TNR: variants seen among roughly 807,000 people sequenced by gnomAD.
TNR encodes tenascin R.
TNR carries 45 observed loss-of-function variants against 150.4 expected under a neutral mutation model. The observed-to-expected ratio is 0.30, with a 90% CI of 0.24 to 0.38. The LOEUF is 0.38. TNR is among the 10% of genes least tolerant of loss of function. TNR has a pLI of 1.00. For synonymous variants in TNR, 687 were observed against 678.4 expected, an observed-to-expected ratio of 1.01 and a Z score of -0.20; for missense variants, 1,544 against 1,759.1, an observed-to-expected ratio of 0.88 and a Z score of 2.19.
intron 1 of TNR, among the ~76,000 whole-genome samples, chr1:175,620,316 G>C (rs1188387983): frequency 6.6e-6 from 1 of 152,222 alleles, no homozygotes; most frequent in African/African-American, 2.4e-5. Flanking sequence ...CTTCTGCTGG[G>C]TGTGAGCTGA....
intron 1 of TNR, among the ~76,000 whole-genome samples, chr1:175,624,506 G>C (rs994813749): frequency 1.8e-4 from 27 of 152,126 alleles, no homozygotes; most frequent in Non-Finnish European, 4.4e-5. Context: ...TGTAACAACA[G>C]AGACAGAGAT....
Position 175,492,056 on chromosome 1 carries a change from CA to C in TNR, c.-64+36212del, listed in dbSNP as rs34853402. Among the ~76,000 whole-genome samples, 552 of 152,280 alleles carry C rather than the reference CA, an allele frequency of 3.6e-3. 3 individuals are homozygous for C. The highest frequency in any genetic ancestry group is 6.8e-3 in the Middle Eastern group (2 of 294). On this transcript the variant is annotated intron_variant, in intron 2 of 22. Transcript: ENST00000367674. The stretch of plus-strand genomic sequence containing the variant: ...GTGGCCAAAGGCCATTGATGGCAAT[CA>C]GACAAGGGATCCAAATTCAGGCCTC...
intron 2 of TNR, among the ~76,000 whole-genome samples, chr1:175,494,751 TCA>T (rs536564942): frequency 6.0e-4 from 91 of 152,300 alleles, no homozygotes; most frequent in African/African-American, 2.0e-3. Flanking sequence ...CTGTTCCATT[TCA>T]CAGTCAAAGC....
In TNR at chr1:175,316,078, T is replaced by C. The variant is rs2101971851; in HGVS notation, c.*7279A>G. On this transcript the variant is annotated 3_prime_UTR_variant, in exon 23 of 23. Transcript: ENST00000367674. ...GGAACCAGTGTTCTGGGGTTCTTTC[T>C]TGGGGAGATCTATTCCTTTATATAT... The C allele has an allele frequency of 6.6e-6, 1 of 152,360 alleles. No homozygotes were observed. Among genetic ancestry groups the C allele is most frequent in the South Asian group, 2.1e-4 (1 of 4,832 alleles). 9.4% of individuals were successfully genotyped at this position (152,360 alleles called of 1,614,324 possible).
At position 175,324,077 on chromosome 1, in the gene TNR, G is replaced by A. The variant is rs1571283984; in HGVS notation, c.3957+279C>T. Among the ~76,000 whole-genome samples, 3 of 152,154 alleles carry A rather than the reference G, an allele frequency of 2.0e-5. No homozygotes were observed. The East Asian group carries it at 5.8e-4, about 29-fold the overall frequency. ...CCATTTTTAGGGTAAAGTTGAGTCT[G>A]TGAAGCTGTCCCCAGGACTGATAAG... On this transcript the variant is annotated intron_variant, in intron 22 of 22. Coordinates refer to ENST00000367674, the MANE Select transcript of TNR (RefSeq NM_003285.3).
chr1:175,403,056 T>A, intron 4 of TNR, 84 bp downstream of exon 4: 1 of 1,192,612 alleles, frequency 8.4e-7, no homozygotes, highest in Non-Finnish European at 1.2e-6. Context: ...TTCTCACTCA[T>A]CTTTCTTCCC....
At chr1:175,696,879 C>CAA (rs66502339) in intron 1 of TNR, among the ~76,000 whole-genome samples, 9 of 110,604 alleles carry the variant, frequency 8.1e-5, no homozygotes, top group African/African-American at 2.0e-4. Context: ...AACTCCATCT[C>CAA]AAAAAAAAAA....
At chr1:175,367,506 CTTCT>C (rs751507925) in intron 9 of TNR, among the ~76,000 whole-genome samples, 1 of 152,168 alleles carries the variant, frequency 6.6e-6, no homozygotes, top group Non-Finnish European at 1.5e-5. Flanking sequence ...GCAGAGCTTC[CTTCT>C]TGCAGGCAGG....
At chr1:175,477,411 C>A (rs1369009511) in intron 2 of TNR, among the ~76,000 whole-genome samples, 10 of 152,182 alleles carry the variant, frequency 6.6e-5, no homozygotes, top group South Asian at 2.1e-4. Flanking sequence ...GAGAGCTGTG[C>A]TTTTACCTCT....
At chr1:175,424,234 C>T (rs373883545) in intron 2 of TNR, among the ~76,000 whole-genome samples, 40 of 152,310 alleles carry the variant, frequency 2.6e-4, no homozygotes, top group South Asian at 8.3e-4. Flanking sequence ...TGCCCCAACT[C>T]GGGCAGGCCC....
rs754366062 is a variant in TNR at position 175,406,291 on chromosome 1, C to T, written c.424G>A (p.Glu142Lys). The change falls in exon 3 of 23, where the codon GAG (glutamate) becomes AAG (lysine). Residue 142 changes from glutamate (E) to lysine (K), a missense_variant. By Grantham distance (56) the Glu-to-Lys change is moderately conservative (BLOSUM62 1). Transcript: ENST00000367674. ...ACCGACACCTCCCTCTCCAGCATCTCGATCCGGCTCAGCAGCTCCTGCAGC... is the reference window on the plus strand; with the variant it reads ...ACCGACACCTCCCTCTCCAGCATCTTGATCCGGCTCAGCAGCTCCTGCAGC... ...QVLQELLSRI[E>K]MLEREVSVLR... 16 of 1,614,060 alleles carry T rather than the reference C, an allele frequency of 9.9e-6. No homozygotes were observed. Among genetic ancestry groups the T allele is most frequent in the Non-Finnish European group, 1.1e-5 (13 of 1,180,044 alleles).
chr1:175,331,118 C>CTTTCTTTCTTTCTCTCTCTCTTTCT (rs1649859729), intron 20 of TNR, among the ~76,000 whole-genome samples: 8 of 107,346 alleles, frequency 7.5e-5, no homozygotes, highest in African/African-American at 3.0e-4. Flanking sequence ...TCTTTCTTTT[C>CTTTCTTTCTTTCTCTCTCTCTTTCT]TTTCTTTCTT....
At position 175,426,860 on chromosome 1, in the gene TNR, T is replaced by C. The variant is rs1251953011; in HGVS notation, c.-63-20083A>G. ...ATTATATATATAAAATATAAATATA[T>C]ATAAAATATATTATATATATAAAAT... is the stretch of plus-strand genomic sequence containing the variant. On this transcript the variant is annotated intron_variant, in intron 2 of 22. Coordinates refer to ENST00000367674, the MANE Select transcript of TNR (RefSeq NM_003285.3). Among the ~76,000 whole-genome samples, 6 of 57,036 alleles carry C rather than the reference T, an allele frequency of 1.1e-4. 1 individual carries two copies. The highest frequency in any genetic ancestry group is 1.9e-4 in the Non-Finnish European group (6 of 32,092). 37.4% of individuals were successfully genotyped at this position (57,036 alleles called of 152,430 possible).
intron 2 of TNR, among the ~76,000 whole-genome samples, chr1:175,492,813 A>C (rs1301007759): frequency 6.6e-6 from 1 of 152,188 alleles, no homozygotes. Flanking sequence ...GGGTTCATTG[A>C]CAATTCACTC....
intron 1 of TNR, among the ~76,000 whole-genome samples, chr1:175,736,470 G>A (rs919413389): frequency 3.3e-5 from 5 of 151,922 alleles, no homozygotes; most frequent in Admixed American, 2.0e-4. Flanking sequence ...GCAGTGAGCC[G>A]AGATTGCGCC....
rs1212744532 is a variant in TNR at position 175,528,359 on chromosome 1, G to A, written c.-154C>T. On this transcript the variant is annotated 5_prime_UTR_variant, in exon 2 of 23. Coordinates refer to ENST00000367674, the MANE Select transcript of TNR (RefSeq NM_003285.3). ...GACCTGCCCTCTATGCAGTTAAAAC[G>A]ATACAGCCACCTGAAACAGAAATAA... The A allele has an allele frequency of 2.0e-5, 3 of 152,184 alleles. No individual in the cohort carries two copies. Among genetic ancestry groups the A allele is most frequent in the African/African-American group, 4.8e-5 (2 of 41,444 alleles). 9.4% of individuals were successfully genotyped at this position (152,184 alleles called of 1,614,324 possible). A position where few individuals can be genotyped will look rare whatever the true frequency, so the allele number is the denominator to read the frequency against.
intron 2 of TNR, among the ~76,000 whole-genome samples, chr1:175,449,636 A>G (rs185750548): frequency 6.6e-6 from 1 of 151,460 alleles, no homozygotes. Flanking sequence ...AACTAAAAAG[A>G]TGAAGCTACA....
At chr1:175,328,260 C>A (rs1407293795) in intron 21 of TNR, among the ~76,000 whole-genome samples, 1 of 152,184 alleles carries the variant, frequency 6.6e-6, no homozygotes, top group Non-Finnish European at 1.5e-5. Flanking sequence ...GCACAATAAA[C>A]TTTTAGGAGC....
At chr1:175,549,858 C>T (rs1419910221) in intron 1 of TNR, among the ~76,000 whole-genome samples, 1 of 152,116 alleles carries the variant, frequency 6.6e-6, no homozygotes, top group African/African-American at 2.4e-5. Context: ...GAGGGTGCAG[C>T]TGGTCAACAC....
Sources: allele counts gnomAD v4.1 joint callset (sites outside exome capture counted in the v4.1 genomes callset), GRCh38; gene constraint gnomAD v4.1.1; transcripts MANE v1.5; gene names NCBI Gene and HGNC (gene_info 2026-07-23, HGNC 2026-07-21).